ITGA2: variants seen among roughly 807,000 people sequenced by gnomAD.
ITGA2 encodes integrin subunit alpha 2, also known as integrin alpha-2.
A neutral mutation model predicts 146.3 loss-of-function variants in ITGA2; 101 were observed. That is an observed-to-expected ratio of 0.69 (90% CI 0.59 to 0.81). The LOEUF is 0.81. ITGA2 is among the 40% of genes least tolerant of loss of function. The probability of loss-of-function intolerance (pLI) is 0.00; values close to 1 mark genes in which losing one functional copy is unlikely to be tolerated. For missense variants in ITGA2, 1,281 were observed against 1,402.7 expected (o/e 0.91, Z 1.39); for synonymous variants, 477 against 487.1 (o/e 0.98, Z 0.27).
intron 2 of ITGA2, among the ~76,000 whole-genome samples, chr5:53,032,191 A>G (rs188661202): frequency 7.9e-4 from 120 of 152,308 alleles, no homozygotes; most frequent in African/African-American, 2.9e-3. Context: ...ATCCACCTAT[A>G]TATGAGCTTA....
At chr5:53,083,841 C>T (rs1331144446) in intron 27 of ITGA2, among the ~76,000 whole-genome samples, 1 of 152,206 alleles carries the variant, frequency 6.6e-6, no homozygotes, top group Non-Finnish European at 1.5e-5. Context: ...ATGTCTGTGT[C>T]TCTGTCTCAC....
At position 53,055,199 on chromosome 5, in the gene ITGA2, T is replaced by G. The variant is rs538621556; in HGVS notation, c.780-339T>G. On this transcript the variant is annotated intron_variant, in intron 7 of 29. Transcript: ENST00000296585. ...TAAACACAAGACTAATGCATAAAAT[T>G]TATAACAGAAATATCTTTGCTTTAT... is the stretch of plus-strand genomic sequence containing the variant. Among the ~76,000 whole-genome samples the G allele has an allele frequency of 8.3e-4, 126 of 152,182 alleles. 1 individual carries two copies. Among genetic ancestry groups the G allele is most frequent in the African/African-American group, 2.8e-3 (115 of 41,554 alleles).
chr5:53,028,815 C>G (rs1025092067), intron 2 of ITGA2, among the ~76,000 whole-genome samples: 2 of 152,138 alleles, frequency 1.3e-5, no homozygotes, highest in African/African-American at 4.8e-5. Context: ...ACCAAAATAC[C>G]AATTATACCT....
At chr5:53,067,538 C>T (rs1745202563) in intron 16 of ITGA2, among the ~76,000 whole-genome samples, 3 of 151,840 alleles carry the variant, frequency 2.0e-5, no homozygotes, top group Admixed American at 2.0e-4. Context: ...TCTCTTACCT[C>T]CATTTCTCTT....
chr5:53,066,885 A>G (rs1231016391), intron 15 of ITGA2, among the ~76,000 whole-genome samples: 3 of 151,918 alleles, frequency 2.0e-5, no homozygotes, highest in Non-Finnish European at 4.4e-5. Context: ...AAGTATAATA[A>G]ATAACTAATA....
intron 1 of ITGA2, among the ~76,000 whole-genome samples, chr5:53,009,930 C>T (rs911394342): frequency 6.6e-6 from 1 of 152,276 alleles, no homozygotes; most frequent in East Asian, 1.9e-4. Context: ...AAGAAATAAA[C>T]TTCTGTTGTT....
chr5:52,995,026 G>A (rs1028361529), intron 1 of ITGA2, among the ~76,000 whole-genome samples: 1 of 152,204 alleles, frequency 6.6e-6, no homozygotes, highest in Non-Finnish European at 1.5e-5. Context: ...AGAAAAGCAA[G>A]CAACATAACT....
intron 7 of ITGA2, among the ~76,000 whole-genome samples, chr5:53,052,594 C>T (rs1744426943): frequency 6.6e-6 from 1 of 151,974 alleles, no homozygotes; most frequent in Non-Finnish European, 1.5e-5. Flanking sequence ...TTCCTTGAAA[C>T]TTACAGTTCT....
chr5:53,073,944 T>TAAAAAAAAA, intron 20 of ITGA2, among the ~76,000 whole-genome samples: 1 of 67,798 alleles, frequency 1.5e-5, no homozygotes, highest in Non-Finnish European at 3.1e-5. Flanking sequence ...TGAAGAAAAC[T>TAAAAAAAAA]AAAAAAAAAA....
intron 1 of ITGA2, among the ~76,000 whole-genome samples, chr5:53,025,152 G>A (rs190382120): frequency 6.6e-6 from 1 of 152,160 alleles, no homozygotes; most frequent in African/African-American, 2.4e-5. Context: ...TAATATGTTA[G>A]ATGATTGATA....
intron 2 of ITGA2, among the ~76,000 whole-genome samples, chr5:53,039,427 T>G (rs954041117): frequency 6.6e-6 from 1 of 151,566 alleles, no homozygotes; most frequent in African/African-American, 2.4e-5. Flanking sequence ...GGTTGATTTG[T>G]TTTTTTTACA....
intron 1 of ITGA2, among the ~76,000 whole-genome samples, chr5:52,989,736 C>T (rs1740827629): frequency 6.6e-6 from 1 of 152,096 alleles, no homozygotes; most frequent in African/African-American, 2.4e-5. Context: ...CTTGCGTCCC[C>T]ATTAGGCGCG....
Position 53,092,643 on chromosome 5 carries a change from C to G in ITGA2, c.*2044C>G, listed in dbSNP as rs1286149237. ...TTTATTTAAAAAAAAAAAAAAAAGACTGGAGAAACTAGTCATTAGCTTGAT... is the reference window on the plus strand; with the variant it reads ...TTTATTTAAAAAAAAAAAAAAAAGAGTGGAGAAACTAGTCATTAGCTTGAT... On this transcript the variant is annotated 3_prime_UTR_variant, in exon 30 of 30. Coordinates refer to ENST00000296585, the MANE Select transcript of ITGA2 (RefSeq NM_002203.4). 2.7e-5 allele frequency: 4 copies of G among 149,110 alleles called. No individual in the cohort carries two copies. In the East Asian group the frequency reaches 7.8e-4, roughly 29 times the overall value. 9.2% of individuals were successfully genotyped at this position (149,110 alleles called of 1,614,324 possible). A position where few individuals can be genotyped will look rare whatever the true frequency, so the allele number is the denominator to read the frequency against.
rs568717343 is a variant in ITGA2 at position 53,070,240 on chromosome 5, G to A, written c.2215G>A (p.Glu739Lys). The A allele has an allele frequency of 1.1e-5, 17 of 1,611,732 alleles. No individual in the cohort carries two copies. The highest frequency in any genetic ancestry group is 6.7e-5 in the Admixed American group (4 of 59,834). Residue 739 changes from glutamate (E) to lysine (K), a missense_variant, in exon 17 of 30, where the codon GAG becomes AAG. Glu to Lys is a moderately conservative substitution (Grantham distance 56). Coordinates refer to ENST00000296585, the MANE Select transcript of ITGA2 (RefSeq NM_002203.4). ...AGTAAATCAAGCACAGAGTTGCCCC[G>A]AGCACATCATTTATATACAGGTAAG... Reference protein sequence around the residue: ...MVVNQAQSCPEHIIYIQEPSD... With the variant: ...MVVNQAQSCPKHIIYIQEPSD...
chr5:53,071,687 C>T (rs1745404448), intron 17 of ITGA2, among the ~76,000 whole-genome samples: 1 of 151,808 alleles, frequency 6.6e-6, no homozygotes, highest in Admixed American at 6.6e-5. Flanking sequence ...ACTAAGAATC[C>T]CTGCTTCAAA....
intron 5 of ITGA2, 69 bp downstream of exon 5, chr5:53,048,546 C>T (rs1744201821): frequency 6.2e-7 from 1 of 1,605,620 alleles, no homozygotes; most frequent in African/African-American, 1.3e-5. Flanking sequence ...AGGTTATCAA[C>T]TAGTGGCACC....
intron 7 of ITGA2, among the ~76,000 whole-genome samples, chr5:53,054,574 T>C (rs915925810): frequency 1.3e-5 from 2 of 152,078 alleles, no homozygotes; most frequent in Non-Finnish European, 2.9e-5. Flanking sequence ...CATCCAATAA[T>C]GGGGAACCGG....
At chr5:53,035,624 A>G (rs1743452936) in intron 2 of ITGA2, among the ~76,000 whole-genome samples, 4 of 152,178 alleles carry the variant, frequency 2.6e-5, no homozygotes, top group African/African-American at 9.7e-5. Flanking sequence ...AAAAAATGAA[A>G]TGACTCTTTT....
At chr5:53,028,040 C>T (rs1561101777) in intron 2 of ITGA2, among the ~76,000 whole-genome samples, 3 of 151,826 alleles carry the variant, frequency 2.0e-5, no homozygotes, top group East Asian at 1.9e-4. Flanking sequence ...ATGTTGGCAC[C>T]GCTGCACTCC....
Sources: allele counts gnomAD v4.1 joint callset (sites outside exome capture counted in the v4.1 genomes callset), GRCh38; gene constraint gnomAD v4.1.1; transcripts MANE v1.5; gene names NCBI Gene and HGNC (gene_info 2026-07-23, HGNC 2026-07-21).